Variants in ADAMTSL1 observed in about 807,000 individuals in gnomAD.
ADAMTSL1 encodes ADAMTS like 1, also known as ADAMTS-like protein 1.
ADAMTSL1 carries 126 observed loss-of-function variants against 201.8 expected under a neutral mutation model. That is an observed-to-expected ratio of 0.62 (90% CI 0.54 to 0.72). ADAMTSL1 has a LOEUF of 0.72. Among genes scored for constraint, ADAMTSL1 ranks in the 30% least tolerant of loss-of-function variants. The pLI is 0.00. For missense variants in ADAMTSL1, 2,679 were observed against 2,277.8 expected (o/e 1.18, Z -3.59); for synonymous variants, 1,121 against 903.4 (o/e 1.24, Z -4.32).
At chr9:18,835,912 G>A (rs1191044055) in intron 23 of ADAMTSL1, among the ~76,000 whole-genome samples, 2 of 152,082 alleles carry the variant, frequency 1.3e-5, no homozygotes, top group Non-Finnish European at 2.9e-5. Context: ...ACTGTTGATG[G>A]GCACCTAGGT....
chr9:18,109,968 G>A (rs1332771388), intron 1 of ADAMTSL1, among the ~76,000 whole-genome samples: 1 of 151,012 alleles, frequency 6.6e-6, no homozygotes, highest in African/African-American at 2.5e-5. Flanking sequence ...GATACGAGAG[G>A]AGTAGAGAGT....
chr9:18,196,863 G>A (rs1018659032), intron 2 of ADAMTSL1, among the ~76,000 whole-genome samples: 10 of 151,988 alleles, frequency 6.6e-5, no homozygotes, highest in Non-Finnish European at 1.3e-4. Flanking sequence ...AACCTGACCA[G>A]CTTCTTCATG....
At chr9:18,288,719 A>T (rs748100929) in intron 2 of ADAMTSL1, among the ~76,000 whole-genome samples, 6 of 152,242 alleles carry the variant, frequency 3.9e-5, no homozygotes, top group African/African-American at 9.6e-5. Context: ...GAAGCCAGCC[A>T]GCTCTAGAAA....
intron 2 of ADAMTSL1, among the ~76,000 whole-genome samples, chr9:18,374,267 G>C (rs1837183845): frequency 6.6e-6 from 1 of 151,880 alleles, no homozygotes; most frequent in African/African-American, 2.4e-5. Flanking sequence ...GAGAGATACT[G>C]ACTTACCAAT....
At chr9:18,130,648 T>C (rs1216539573) in intron 1 of ADAMTSL1, among the ~76,000 whole-genome samples, 1 of 152,142 alleles carries the variant, frequency 6.6e-6, no homozygotes, top group Non-Finnish European at 1.5e-5. Flanking sequence ...GCCAGGAAAA[T>C]ACATTATTCA....
intron 1 of ADAMTSL1, among the ~76,000 whole-genome samples, chr9:18,038,091 G>T (rs560115859): frequency 6.6e-6 from 1 of 152,180 alleles, no homozygotes; most frequent in Non-Finnish European, 1.5e-5. Flanking sequence ...AGTATCCATG[G>T]ATGTCACTGA....
intron 2 of ADAMTSL1, among the ~76,000 whole-genome samples, chr9:18,306,832 A>G (rs1833926147): frequency 6.6e-6 from 1 of 152,172 alleles, no homozygotes; most frequent in South Asian, 2.1e-4. Context: ...CAAATTCAGG[A>G]AATACAGAAA....
chr9:18,248,029 A>G (rs1282628568), intron 2 of ADAMTSL1, among the ~76,000 whole-genome samples: 2 of 152,138 alleles, frequency 1.3e-5, no homozygotes, highest in African/African-American at 2.4e-5. Context: ...TCTGTGGTTC[A>G]TTCAAAAGGT....
intron 1 of ADAMTSL1, among the ~76,000 whole-genome samples, chr9:17,949,066 C>T (rs954010999): frequency 9.2e-5 from 14 of 152,188 alleles, no homozygotes; most frequent in African/African-American, 3.4e-4. Context: ...TATCTGAAAA[C>T]CCTAAGTATA....
intron 2 of ADAMTSL1, among the ~76,000 whole-genome samples, chr9:18,206,285 G>A (rs537199214): frequency 1.5e-4 from 23 of 152,086 alleles, no homozygotes; most frequent in African/African-American, 5.1e-4. Flanking sequence ...GAATTTGCCA[G>A]GTACACTATT....
chr9:18,388,718 A>AT (rs1044082517), intron 2 of ADAMTSL1, among the ~76,000 whole-genome samples: 2 of 139,128 alleles, frequency 1.4e-5, no homozygotes, highest in African/African-American at 5.5e-5. Context: ...TTCTATTTCG[A>AT]TTTTTTGTTG....
chr9:18,455,755 AC>A (rs1389830464), intron 2 of ADAMTSL1, among the ~76,000 whole-genome samples: 3 of 108,422 alleles, frequency 2.8e-5, no homozygotes, highest in African/African-American at 1.1e-4. Context: ...ATCTCTTCCC[AC>A]CCCCACCCCC....
chr9:18,385,187 G>C (rs1837741780), intron 2 of ADAMTSL1, among the ~76,000 whole-genome samples: 1 of 152,104 alleles, frequency 6.6e-6, no homozygotes, highest in African/African-American at 2.4e-5. Flanking sequence ...ACCCAACATA[G>C]AAAATCTGAT....
intron 1 of ADAMTSL1, among the ~76,000 whole-genome samples, chr9:18,137,230 G>A (rs540459645): frequency 8.8e-4 from 134 of 152,162 alleles, no homozygotes; most frequent in African/African-American, 3.1e-3. Flanking sequence ...CTATTTATTG[G>A]CAGATTTTCT....
intron 4 of ADAMTSL1, among the ~76,000 whole-genome samples, chr9:18,617,739 A>C (rs1825789347): frequency 6.6e-6 from 1 of 152,128 alleles, no homozygotes; most frequent in Admixed American, 6.6e-5. Context: ...AAACACTATT[A>C]ATTTGGTAAG....
chr9:18,669,716 G>T (rs1829695652), intron 9 of ADAMTSL1, among the ~76,000 whole-genome samples: 1 of 152,136 alleles, frequency 6.6e-6, no homozygotes, highest in Non-Finnish European at 1.5e-5. Flanking sequence ...GGCCCAGTAA[G>T]CTCTGAGTTC....
chr9:18,510,679 G>C (rs1337143278), intron 2 of ADAMTSL1, among the ~76,000 whole-genome samples: 2 of 151,600 alleles, frequency 1.3e-5, no homozygotes, highest in African/African-American at 4.9e-5. Context: ...GTTATATGAG[G>C]TTTTATTGAG....
At chr9:17,957,564 G>T (rs781155407) in intron 1 of ADAMTSL1, among the ~76,000 whole-genome samples, 1 of 152,212 alleles carries the variant, frequency 6.6e-6, no homozygotes, top group East Asian at 1.9e-4. Flanking sequence ...CAAAGGGAAG[G>T]TAAGTGATAA....
chr9:18,799,139 G>A (rs775476114), intron 20 of ADAMTSL1, among the ~76,000 whole-genome samples: 24 of 152,158 alleles, frequency 1.6e-4, no homozygotes, highest in Non-Finnish European at 2.8e-4. Flanking sequence ...AATTCACTTA[G>A]CTGGATGCCT....
Sources: gnomAD v4.1 joint callset for allele counts (sites outside exome capture counted in the v4.1 genomes callset) on GRCh38, gnomAD v4.1.1 for gene constraint, MANE v1.5 for transcripts, NCBI Gene and HGNC (gene_info 2026-07-23, HGNC 2026-07-21) for gene names.